Variants in TRERF1 observed in about 807,000 individuals in gnomAD.
The protein encoded by TRERF1 is transcriptional regulating factor 1, also known as transcriptional-regulating factor 1.
Under a neutral mutation model 122.9 loss-of-function variants are expected in TRERF1, and 27 were observed. The observed-to-expected ratio is 0.22, with a 90% confidence interval of 0.16 to 0.30. The LOEUF is 0.30. Ranked by LOEUF, TRERF1 falls within the 10% of genes least tolerant of loss-of-function variation. The probability of loss-of-function intolerance (pLI) is 1.00; values close to 1 mark genes in which losing one functional copy is unlikely to be tolerated. For synonymous variants in TRERF1, 636 were observed against 641.7 expected (o/e 0.99, Z 0.13); for missense variants, 1,248 against 1,560.3 (o/e 0.80, Z 3.37).
At chr6:42,267,010 G>GC (rs1308560666) in intron 5 of TRERF1, among the ~76,000 whole-genome samples, 2 of 152,138 alleles carry the variant, frequency 1.3e-5, no homozygotes, top group Admixed American at 6.5e-5. Flanking sequence ...CATGGTATCT[G>GC]CGAGACTCAC....
intron 3 of TRERF1, among the ~76,000 whole-genome samples, chr6:42,351,239 C>G (rs1010270699): frequency 5.9e-5 from 9 of 152,126 alleles, no homozygotes; most frequent in African/African-American, 2.2e-4. Flanking sequence ...TGATATGGAT[C>G]ACTAGCCTTA....
At chr6:42,316,133 C>T (rs141607221) in intron 3 of TRERF1, among the ~76,000 whole-genome samples, 88 of 152,230 alleles carry the variant, frequency 5.8e-4, no homozygotes, top group Admixed American at 9.8e-4. Flanking sequence ...TTAATTTCTC[C>T]GCCAAAGTCA....
chr6:42,267,378 C>T (rs547400370), intron 5 of TRERF1, among the ~76,000 whole-genome samples: 1 of 152,216 alleles, frequency 6.6e-6, no homozygotes, highest in South Asian at 2.1e-4. Flanking sequence ...CACCTGTAAT[C>T]CCAGCACTTT....
chr6:42,241,469 T>TC, intron 15 of TRERF1, among the ~76,000 whole-genome samples: 1 of 123,490 alleles, frequency 8.1e-6, no homozygotes, highest in East Asian at 2.4e-4. Context: ...TGAGTCCAAT[T>TC]TTTTTTTTTC....
chr6:42,314,655 A>G (rs4714598), intron 3 of TRERF1, among the ~76,000 whole-genome samples: 73,230 of 152,066 alleles, frequency 0.48, 19,653 homozygotes, highest in East Asian at 0.85. Context: ...GGGAAAAAAC[A>G]AAGTAGGAAA....
Position 42,228,753 on chromosome 6 carries a change from G to T in TRERF1, c.3279-84C>A, listed in dbSNP as rs1184747016. The T allele has an allele frequency of 1.4e-6, 2 of 1,390,222 alleles. No individual in the cohort carries two copies. The highest frequency in any genetic ancestry group is 1.9e-6 in the Non-Finnish European group (2 of 1,028,694). The allele number at this position is 1,390,222 out of a possible 1,614,324, so 86.1% of individuals were successfully genotyped here. ...TCCAGGTGTCCTACGGGGAATGGGG[G>T]TGTGTGGTCTGACAAAGTCCCTGGC... On this transcript the variant is annotated intron_variant, in intron 17 of 17. Transcript: ENST00000372922. This position sits in a 1 kb window ranked among gnomAD's most constrained non-coding sequence, Gnocchi z 4.2.
chr6:42,404,790 C>T (rs995154326), intron 2 of TRERF1, among the ~76,000 whole-genome samples: 2 of 152,204 alleles, frequency 1.3e-5, no homozygotes, highest in African/African-American at 4.8e-5. Context: ...CTCAGGGCTG[C>T]TGCTTTCTCT....
At chr6:42,229,189 G>A (rs939748874) in intron 17 of TRERF1, among the ~76,000 whole-genome samples, 2 of 152,164 alleles carry the variant, frequency 1.3e-5, no homozygotes, top group Admixed American at 6.5e-5. Flanking sequence ...CCAGGCTGGA[G>A]TGCACTGGTG....
At chr6:42,424,431 A>C (rs1054746386) in intron 2 of TRERF1, among the ~76,000 whole-genome samples, 6 of 152,222 alleles carry the variant, frequency 3.9e-5, no homozygotes, top group African/African-American at 1.2e-4. Context: ...GCATCAACTG[A>C]GGTCAAAGCT....
At chr6:42,256,830 C>T in exon 12 of TRERF1, 5 of 1,614,190 alleles carry the variant, frequency 3.1e-6, no homozygotes, top group Non-Finnish European at 4.2e-6. Flanking sequence ...GAAGATTCTC[C>T]ACTGTTGGGA....
intron 2 of TRERF1, among the ~76,000 whole-genome samples, chr6:42,387,554 G>A (rs1196996281): frequency 6.6e-6 from 1 of 152,202 alleles, no homozygotes; most frequent in African/African-American, 2.4e-5. Flanking sequence ...ATGACAAGGT[G>A]GTTTTCTAAG....
At chr6:42,236,388 T>A (rs1582452601) in exon 16 of TRERF1, 5 of 1,553,214 alleles carry the variant, frequency 3.2e-6, no homozygotes, top group African/African-American at 1.4e-5. Context: ...CCTCCTCCTC[T>A]AACTCTTCTT....
At position 42,302,066 on chromosome 6, in the gene TRERF1, C is replaced by T. The variant is rs1164711416; in HGVS notation, c.-370-1317G>A. Among the ~76,000 whole-genome samples, 5 of 152,154 alleles carry T rather than the reference C, an allele frequency of 3.3e-5. No individual in the cohort carries two copies. The South Asian group carries it at 1.0e-3, about 32-fold the overall frequency. ...AAAGCTGTTCCTGGAGCCCTGTCTG[C>T]CTCCACCCTGAACTTCCCAACCCTA... is the stretch of plus-strand genomic sequence containing the variant. On this transcript the variant is annotated intron_variant, in intron 3 of 17. Coordinates refer to ENST00000372922, the Ensembl canonical transcript of TRERF1.
chr6:42,435,742 G>A (rs974578869), intron 2 of TRERF1, among the ~76,000 whole-genome samples: 1 of 151,974 alleles, frequency 6.6e-6, no homozygotes, highest in African/African-American at 2.4e-5. Context: ...TTGGGAAGCT[G>A]AGGCGGGCAG....
rs1275967192 is a variant in TRERF1 at position 42,277,923 on chromosome 6, A to G, written c.-258-8075T>C. On this transcript the variant is annotated intron_variant, in intron 4 of 17. Transcript: ENST00000372922. The stretch of plus-strand genomic sequence containing the variant: ...GGAAGAAGGAAGAAGAAGAAGAAGA[A>G]GAAGAAGAAGAAGAAGAAGAAGAAG... Among the ~76,000 whole-genome samples the G allele has an allele frequency of 5.0e-4, 61 of 122,974 alleles. 1 individual carries two copies. Among genetic ancestry groups the G allele is most frequent in the Middle Eastern group, 7.4e-3 (2 of 272 alleles). 80.7% of individuals were successfully genotyped at this position (122,974 alleles called of 152,430 possible).
rs1417772641 is a variant in TRERF1, at chr6:42,269,340, C to A, written c.251G>T (p.Gly84Val). 6 of 1,614,182 alleles carry A rather than the reference C, an allele frequency of 3.7e-6. 1 individual carries two copies. In the South Asian group the frequency reaches 6.6e-5, roughly 18 times the overall value. Residue 84 changes from glycine to valine, a missense_variant, in exon 5 of 18, where the codon GGG (glycine) becomes GTG (valine). Physicochemically the swap from Gly to Val is moderately radical, Grantham distance 109 (BLOSUM62 -3). Transcript: ENST00000372922. The surrounding 1 kb of genome is among the most constrained non-coding windows in gnomAD (Gnocchi z 4.9). ...TCCAGGCCCTGCATGACTTCCCCAC[C>A]CTCCCTGCCTCGAGGTATCCATTTG...
chr6:42,361,776 C>T (rs1361721779), intron 3 of TRERF1, among the ~76,000 whole-genome samples: 3 of 152,230 alleles, frequency 2.0e-5, no homozygotes, highest in African/African-American at 7.2e-5. Flanking sequence ...ACCCTCCATC[C>T]TCCTTCAGGC....
chr6:42,436,024 G>A (rs550985777), intron 2 of TRERF1, among the ~76,000 whole-genome samples: 50 of 151,920 alleles, frequency 3.3e-4, no homozygotes, highest in African/African-American at 8.9e-4. Context: ...CCAGTGCCCC[G>A]TACACAGTAG....
rs35651008 is a variant in TRERF1 at position 42,357,328 on chromosome 6, C to CAAAAAAAAAAAAAAAAAAAAAAAAAAAA, written c.-371+5668_-371+5669insTTTTTTTTTTTTTTTTTTTTTTTTTTTT. Among the ~76,000 whole-genome samples, 2 of 61,156 alleles carry CAAAAAAAAAAAAAAAAAAAAAAAAAAAA rather than the reference C, an allele frequency of 3.3e-5. 1 individual carries two copies. 40.1% of individuals were successfully genotyped at this position (61,156 alleles called of 152,430 possible). ...TGGGCAAAAGAGTAAGACTCTGTCTCAAAAAAAAAAAAAAAAAAAAAAAAA... is the reference window on the plus strand; with the variant it reads ...TGGGCAAAAGAGTAAGACTCTGTCTCAAAAAAAAAAAAAAAAAAAAAAAAAAAAAAAAAAAAAAAAAAAAAAAAAAAAA... On this transcript the variant is annotated intron_variant, in intron 3 of 17. Coordinates refer to ENST00000372922, the Ensembl canonical transcript of TRERF1.
Sources: gnomAD v4.1 joint callset for allele counts (sites outside exome capture counted in the v4.1 genomes callset) on GRCh38, gnomAD v4.1.1 for gene constraint, Gnocchi (gnomAD v3.1) non-coding constraint, MANE v1.5 for transcripts, NCBI Gene and HGNC (gene_info 2026-07-23, HGNC 2026-07-21) for gene names.